TRPM2: variants seen among roughly 807,000 people sequenced by gnomAD.
TRPM2 encodes transient receptor potential cation channel subfamily M member 2.
In TRPM2, 161 loss-of-function variants were observed where a neutral mutation model predicts 174.0. The ratio of observed to expected loss-of-function variants is 0.93; its 90% CI spans 0.81 to 1.05. TRPM2 has a LOEUF of 1.05. Ranked by LOEUF, TRPM2 falls within the 50% of genes least tolerant of loss-of-function variation. The pLI, the probability that TRPM2 is intolerant of heterozygous loss-of-function variation, is 0.00. For missense variants in TRPM2, 2,057 were observed against 2,038.0 expected (o/e 1.01, Z -0.18); for synonymous variants, 954 against 861.3 (o/e 1.11, Z -1.88).
intron 2 of TRPM2, 113 bp from the exon 3 acceptor site, chr21:44,364,001 G>GT (rs1318458598): frequency 1.7e-5 from 21 of 1,219,560 alleles, no homozygotes; most frequent in Non-Finnish European, 5.6e-6. Context: ...CAGGTGCTTT[G>GT]TTTTTGCTGG....
chr21:44,417,736 G>A (rs1443513901), intron 20 of TRPM2, among the ~76,000 whole-genome samples, 191 bp from the exon 21 acceptor site: 17 of 146,462 alleles, frequency 1.2e-4, no homozygotes, highest in African/African-American at 2.8e-4. Context: ...CAGTGGGCAC[G>A]TGGGCGTGGC....
intron 9 of TRPM2, among the ~76,000 whole-genome samples, chr21:44,387,057 A>G (rs541807502): frequency 6.6e-6 from 1 of 152,202 alleles, no homozygotes; most frequent in East Asian, 1.9e-4. Context: ...AAGGTGGTTC[A>G]TGCTTGTAGT....
Position 44,438,636 on chromosome 21 carries a change from G to A in TRPM2, c.4168-431G>A, listed in dbSNP as rs1030416439. Among the ~76,000 whole-genome samples, 13 of 152,290 alleles carry A rather than the reference G, an allele frequency of 8.5e-5. No homozygotes were observed. Among genetic ancestry groups the A allele is most frequent in the South Asian group, 4.1e-4 (2 of 4,832 alleles). On this transcript the variant is annotated intron_variant, in intron 29 of 31. Coordinates refer to ENST00000397928, the MANE Select transcript of TRPM2 (RefSeq NM_003307.4). The surrounding 1 kb of genome is among the most constrained non-coding windows in gnomAD (Gnocchi z 5.9). Reference sequence around the variant, plus strand: ...GGAGCGTCTGGGAGCCCAGCCAGCCGCAGCACAGGCCGGGGTGGGACTGGG... The same window carrying A: ...GGAGCGTCTGGGAGCCCAGCCAGCCACAGCACAGGCCGGGGTGGGACTGGG...
At chr21:44,403,689 G>A (rs961253080) in intron 16 of TRPM2, among the ~76,000 whole-genome samples, 2 of 143,786 alleles carry the variant, frequency 1.4e-5, no homozygotes, top group African/African-American at 5.3e-5. Context: ...ACACATACAT[G>A]CACACATATA....
At position 44,391,212 on chromosome 21, in the gene TRPM2, A is replaced by T; in HGVS notation, c.1441-60A>T. The T allele has an allele frequency of 1.9e-6, 3 of 1,557,426 alleles. No homozygotes were observed. Among genetic ancestry groups the T allele is most frequent in the Non-Finnish European group, 2.6e-6 (3 of 1,143,506 alleles). ...AGCCCCCATCTCCAGGGTCTTTGAG[A>T]TCAGGATGACATGGGGTGATGACCA... On this transcript the variant is annotated intron_variant, in intron 10 of 31. Transcript: ENST00000397928. The surrounding 1 kb of genome is among the most constrained non-coding windows in gnomAD (Gnocchi z 5.0).
intron 23 of TRPM2, 147 bp downstream of exon 23, chr21:44,423,879 A>G (rs1235127428): frequency 1.4e-6 from 1 of 712,384 alleles, no homozygotes; most frequent in Non-Finnish European, 2.4e-6. Flanking sequence ...TCCCAGCTGG[A>G]AGAGGCACCC....
At chr21:44,393,462 A>C (rs1180364602) in intron 11 of TRPM2, among the ~76,000 whole-genome samples, 1 of 152,206 alleles carries the variant, frequency 6.6e-6, no homozygotes, top group Non-Finnish European at 1.5e-5. Context: ...GGATGTTTGC[A>C]TCAGAATGCT....
chr21:44,408,315 GT>G (rs1259208136), intron 19 of TRPM2, among the ~76,000 whole-genome samples: 1 of 152,004 alleles, frequency 6.6e-6, no homozygotes, highest in African/African-American at 2.4e-5. Flanking sequence ...GTGTGGGTAT[GT>G]TTTTATTTCT....
Position 44,376,090 on chromosome 21 carries a change from C to T in TRPM2, c.952+77C>T, listed in dbSNP as rs549105033. The T allele has an allele frequency of 2.6e-5, 39 of 1,521,728 alleles. No individual in the cohort carries two copies. Among genetic ancestry groups the T allele is most frequent in the Non-Finnish European group, 3.1e-5 (35 of 1,121,972 alleles). The allele number at this position is 1,521,728 out of a possible 1,614,324, so 94.3% of individuals were successfully genotyped here. On this transcript the variant is annotated intron_variant, in intron 6 of 31. Coordinates refer to ENST00000397928, the MANE Select transcript of TRPM2 (RefSeq NM_003307.4). The surrounding 1 kb of genome is among the most constrained non-coding windows in gnomAD (Gnocchi z 4.2). Reference sequence around the variant, plus strand: ...TCAGAGTGTCAGGTACAGCTGGTCACGACCAGGACGTTCAACAGGCCTGGC... The same window carrying T: ...TCAGAGTGTCAGGTACAGCTGGTCATGACCAGGACGTTCAACAGGCCTGGC...
intron 2 of TRPM2, among the ~76,000 whole-genome samples, chr21:44,360,882 CAT>C (rs1376092349): frequency 4.6e-5 from 7 of 151,358 alleles, no homozygotes; most frequent in African/African-American, 1.7e-4. Flanking sequence ...TCATTTTTCA[CAT>C]GTGTATTTGT....
In TRPM2 at chr21:44,442,013, C is replaced by CCCTT; in HGVS notation, c.*197_*198insCTTC. On this transcript the variant is annotated 3_prime_UTR_variant, in exon 32 of 32. Transcript: ENST00000397928. Reference sequence around the variant, plus strand: ...ATGAACTGGAAGGGGTCAAGGTGACCCGGGAGGAGAGCTCAAGACAGGGCA... The same window carrying CCCTT: ...ATGAACTGGAAGGGGTCAAGGTGACCCCTTCGGGAGGAGAGCTCAAGACAGGGCA... The CCCTT allele has an allele frequency of 2.5e-6, 2 of 811,560 alleles. No homozygotes were observed. The highest frequency in any genetic ancestry group is 3.5e-6 in the Non-Finnish European group (2 of 578,074). 50.3% of individuals were successfully genotyped at this position (811,560 alleles called of 1,614,324 possible).
At chr21:44,380,375 T>C (rs2048843626) in intron 8 of TRPM2, among the ~76,000 whole-genome samples, 1 of 152,190 alleles carries the variant, frequency 6.6e-6, no homozygotes, top group South Asian at 2.1e-4. Flanking sequence ...TCAGGGCGGC[T>C]TTCCTTCCTT....
In TRPM2 at chr21:44,391,089, C is replaced by A; in HGVS notation, c.1440+64C>A. The A allele has an allele frequency of 2.5e-6, 4 of 1,603,808 alleles. No individual in the cohort carries two copies. The highest frequency in any genetic ancestry group is 3.4e-6 in the Non-Finnish European group (4 of 1,173,062). ...GCCCACATGCATTGCACCACTGAAGCAAGGGCAGGCAAAGTTCGCATTGTC... is the reference window on the plus strand; with the variant it reads ...GCCCACATGCATTGCACCACTGAAGAAAGGGCAGGCAAAGTTCGCATTGTC... On this transcript the variant is annotated intron_variant, in intron 10 of 31. Coordinates refer to ENST00000397928, the MANE Select transcript of TRPM2 (RefSeq NM_003307.4). This position sits in a 1 kb window ranked among gnomAD's most constrained non-coding sequence, Gnocchi z 5.0.
chr21:44,359,484 C>T (rs141482274), intron 2 of TRPM2, among the ~76,000 whole-genome samples: 24 of 151,590 alleles, frequency 1.6e-4, no homozygotes, highest in Admixed American at 1.2e-3. Context: ...TAGAAACATC[C>T]GAGATCACAC....
At chr21:44,440,951 G>A (rs750709248) in intron 31 of TRPM2, 46 bp downstream of exon 31, 14 of 1,555,422 alleles carry the variant, frequency 9.0e-6, no homozygotes, top group South Asian at 1.1e-5. Context: ...AGGCAGGGAC[G>A]GGTATGGGCG....
Position 44,401,946 on chromosome 21 carries a change from G to A in TRPM2, c.2538+49G>A, listed in dbSNP as rs753227080. ...CGCCCCAGCCCGGGGCCACCCACTTGGCTGCATTCTCATAGGGGACCCATG... is the reference window on the plus strand; with the variant it reads ...CGCCCCAGCCCGGGGCCACCCACTTAGCTGCATTCTCATAGGGGACCCATG... On this transcript the variant is annotated intron_variant, in intron 16 of 31. Coordinates refer to ENST00000397928, the MANE Select transcript of TRPM2 (RefSeq NM_003307.4). 51 of 1,605,076 alleles carry A rather than the reference G, an allele frequency of 3.2e-5. 1 individual carries two copies. The African/African-American group carries it at 3.2e-4, about 10-fold the overall frequency.
chr21:44,377,799 C>A, intron 7 of TRPM2, 26 bp downstream of exon 7: 1 of 1,613,060 alleles, frequency 6.2e-7, no homozygotes, highest in Non-Finnish European at 8.5e-7. Context: ...TGGGAGGGGG[C>A]ATGTGTGGGC....
At chr21:44,398,013 A>C (rs1402727314) in intron 13 of TRPM2, 137 bp downstream of exon 13, 1 of 1,108,366 alleles carries the variant, frequency 9.0e-7, no homozygotes, top group Non-Finnish European at 1.2e-6. Flanking sequence ...CTGCACGCTT[A>C]CCCTGGGGTC....
At chr21:44,377,955 G>C (rs1323448034) in intron 7 of TRPM2, among the ~76,000 whole-genome samples, 182 bp downstream of exon 7, 1 of 152,260 alleles carries the variant, frequency 6.6e-6, no homozygotes, top group Non-Finnish European at 1.5e-5. Context: ...GTGGAGGACG[G>C]GTCGGAGGAA....
Sources: allele counts gnomAD v4.1 joint callset (sites outside exome capture counted in the v4.1 genomes callset), GRCh38; gene constraint gnomAD v4.1.1; non-coding constraint Gnocchi (gnomAD v3.1); transcripts MANE v1.5; gene names NCBI Gene and HGNC (gene_info 2026-07-23, HGNC 2026-07-21).